Variants in TRDMT1 observed in about 807,000 individuals in gnomAD.
TRDMT1 encodes tRNA (cytosine(38)-C(5))-methyltransferase.
Under a neutral mutation model 51.2 loss-of-function variants are expected in TRDMT1, and 49 were observed. The ratio of observed to expected loss-of-function variants is 0.96; its 90% CI spans 0.76 to 1.21. The LOEUF is 1.21. Ranked by LOEUF, TRDMT1 falls within the 50% of genes most tolerant of loss-of-function variation. TRDMT1 has a pLI of 0.00. For missense variants in TRDMT1, 534 were observed against 462.3 expected (o/e 1.16, Z -1.42); for synonymous variants, 187 against 164.6 (o/e 1.14, Z -1.04).
chr10:17,168,187 C>A (rs996154065), intron 3 of TRDMT1, among the ~76,000 whole-genome samples: 1 of 152,062 alleles, frequency 6.6e-6, no homozygotes, highest in African/African-American at 2.4e-5. Flanking sequence ...CCTTTAGTCC[C>A]AGCTACTCAG....
In TRDMT1 at chr10:17,146,184, A is replaced by G; in HGVS notation, c.*2856T>C. On this transcript the variant is annotated 3_prime_UTR_variant, in exon 11 of 11. Coordinates refer to ENST00000377799, the MANE Select transcript of TRDMT1 (RefSeq NM_004412.7). ...AACAGTTTACCCTCAAATTTCTAAA[A>G]AAGTGCTGGGTGGACCCTCACTGTT... 1.0e-6 allele frequency: 1 copy of G among 985,452 alleles called. No homozygotes were observed. The highest frequency in any genetic ancestry group is 1.2e-6 in the Non-Finnish European group (1 of 829,930). 61.0% of individuals were successfully genotyped at this position (985,452 alleles called of 1,614,324 possible).
intron 1 of TRDMT1, among the ~76,000 whole-genome samples, chr10:17,199,134 T>C (rs1014478711): frequency 1.3e-5 from 2 of 152,206 alleles, no homozygotes; most frequent in Non-Finnish European, 2.9e-5. Context: ...AAAGGAGCAA[T>C]GCATTTTATT....
chr10:17,182,739 A>G (rs1843425237), intron 1 of TRDMT1, among the ~76,000 whole-genome samples: 1 of 152,208 alleles, frequency 6.6e-6, no homozygotes, highest in Non-Finnish European at 1.5e-5. Flanking sequence ...ATGTCTTTTA[A>G]GGAGCACAGA....
Position 17,151,866 on chromosome 10 carries a change from T to C in TRDMT1, c.1075+1641A>G, listed in dbSNP as rs181426886. ...CAATAACTCTATGAAGCAGGAGTTA[T>C]GATCATCCTCATTTTACAGAGAAGT... is the stretch of plus-strand genomic sequence containing the variant. On this transcript the variant is annotated intron_variant, in intron 10 of 10. Coordinates refer to ENST00000377799, the MANE Select transcript of TRDMT1 (RefSeq NM_004412.7). 5.1e-5 allele frequency: 53 copies of C among 1,038,026 alleles called. No individual in the cohort carries two copies. The Admixed American group carries it at 1.6e-3, about 31-fold the overall frequency. The allele number at this position is 1,038,026 out of a possible 1,614,324, so 64.3% of individuals were successfully genotyped here.
At chr10:17,166,342 G>GT (rs1278150906) in intron 3 of TRDMT1, among the ~76,000 whole-genome samples, 13 of 144,210 alleles carry the variant, frequency 9.0e-5, no homozygotes, top group African/African-American at 3.1e-4. Flanking sequence ...GACACAGGAC[G>GT]GGGAACATCA....
Position 17,194,625 on chromosome 10 carries a change from T to C in TRDMT1, c.64+6946A>G, listed in dbSNP as rs1845130331. Among the ~76,000 whole-genome samples the C allele has an allele frequency of 3.9e-5, 6 of 152,090 alleles. No individual in the cohort carries two copies. The South Asian group carries it at 1.0e-3, about 26-fold the overall frequency. On this transcript the variant is annotated intron_variant, in intron 1 of 10. Coordinates refer to ENST00000377799, the MANE Select transcript of TRDMT1 (RefSeq NM_004412.7). ...GGACAGCATCTCAAACCAGTCACAA[T>C]GGCTACGATTAAAAAGTCAATAAAA...
Position 17,146,116 on chromosome 10 carries a change from AC to A in TRDMT1, c.*2923del. 1.0e-6 allele frequency: 1 copy of A among 985,432 alleles called. No individual in the cohort carries two copies. Among genetic ancestry groups the A allele is most frequent in the Non-Finnish European group, 1.2e-6 (1 of 829,944 alleles). The allele number at this position is 985,432 out of a possible 1,614,324, so 61.0% of individuals were successfully genotyped here. Reference sequence around the variant, plus strand: ...TTCAGGGCAACTTAAAAGCCTCTCTACTAAATAACTTTACCTCTTTGAAAAG... The same window carrying A: ...TTCAGGGCAACTTAAAAGCCTCTCTATAAATAACTTTACCTCTTTGAAAAG... On this transcript the variant is annotated 3_prime_UTR_variant, in exon 11 of 11. Coordinates refer to ENST00000377799, the MANE Select transcript of TRDMT1 (RefSeq NM_004412.7).
chr10:17,151,441 C>A, intron 10 of TRDMT1: 3 of 956,864 alleles, frequency 3.1e-6, no homozygotes, highest in Non-Finnish European at 3.7e-6. Context: ...AGGATCAATG[C>A]AGATCCATCA....
In TRDMT1 at chr10:17,147,091, GT is replaced by G. The variant is rs1362214851; in HGVS notation, c.*1948del. 17 of 985,604 alleles carry G rather than the reference GT, an allele frequency of 1.7e-5. No homozygotes were observed. The highest frequency in any genetic ancestry group is 2.0e-5 in the Non-Finnish European group (17 of 829,918). The allele number at this position is 985,604 out of a possible 1,614,324, so 61.1% of individuals were successfully genotyped here. On this transcript the variant is annotated 3_prime_UTR_variant, in exon 11 of 11. Transcript: ENST00000377799. Reference sequence around the variant, plus strand: ...TAACTCGACACTTATTTTGTATAATGTTGCTCAACCGAATGTGGGATACTAT... The same window carrying G: ...TAACTCGACACTTATTTTGTATAATGTGCTCAACCGAATGTGGGATACTAT...
At chr10:17,192,056 GC>G (rs1844758711) in intron 1 of TRDMT1, among the ~76,000 whole-genome samples, 1 of 152,192 alleles carries the variant, frequency 6.6e-6, no homozygotes, top group Admixed American at 6.5e-5. Context: ...GGCAGGTGGG[GC>G]CAAGCAAATC....
chr10:17,186,803 T>G (rs1286600347), intron 1 of TRDMT1, among the ~76,000 whole-genome samples: 1 of 152,188 alleles, frequency 6.6e-6, no homozygotes, highest in Non-Finnish European at 1.5e-5. Context: ...GATGATTAAT[T>G]CGAACAAATA....
chr10:17,178,288 A>G (rs1331821003), intron 1 of TRDMT1, among the ~76,000 whole-genome samples: 1 of 152,218 alleles, frequency 6.6e-6, no homozygotes, highest in Non-Finnish European at 1.5e-5. Flanking sequence ...TAAAAGTACT[A>G]AAGAACGTAC....
At position 17,146,125 on chromosome 10, in the gene TRDMT1, CTT is replaced by C. The variant is rs920196398; in HGVS notation, c.*2913_*2914del. The C allele has an allele frequency of 1.0e-6, 1 of 985,340 alleles. No homozygotes were observed. Among genetic ancestry groups the C allele is most frequent in the African/African-American group, 1.7e-5 (1 of 57,240 alleles). 61.0% of individuals were successfully genotyped at this position (985,340 alleles called of 1,614,324 possible). A position where few individuals can be genotyped will look rare whatever the true frequency, so the allele number is the denominator to read the frequency against. On this transcript the variant is annotated 3_prime_UTR_variant, in exon 11 of 11. Coordinates refer to ENST00000377799, the MANE Select transcript of TRDMT1 (RefSeq NM_004412.7). ...ACTTAAAAGCCTCTCTACTAAATAACTTTACCTCTTTGAAAAGTTGGATAATT... is the reference window on the plus strand; with the variant it reads ...ACTTAAAAGCCTCTCTACTAAATAACTACCTCTTTGAAAAGTTGGATAATT...
At chr10:17,179,711 T>G (rs534880161) in intron 1 of TRDMT1, among the ~76,000 whole-genome samples, 2 of 144,190 alleles carry the variant, frequency 1.4e-5, no homozygotes, top group African/African-American at 5.2e-5. Flanking sequence ...TAAGAAGAGA[T>G]CTTCACAAAT....
chr10:17,158,549 T>C (rs1839875927), intron 7 of TRDMT1, among the ~76,000 whole-genome samples: 2 of 152,116 alleles, frequency 1.3e-5, no homozygotes, highest in African/African-American at 2.4e-5. Context: ...CTATGAAAGT[T>C]AGGGAGAGTT....
In TRDMT1 at chr10:17,148,668, TTTAA is replaced by T. The variant is rs111372071; in HGVS notation, c.*368_*371del. ...TTTAAAATTAGAAATAAAAAACTTC[TTTAA>T]TTAACATAAAAATATGTTATGCCTG... On this transcript the variant is annotated 3_prime_UTR_variant, in exon 11 of 11. Coordinates refer to ENST00000377799, the MANE Select transcript of TRDMT1 (RefSeq NM_004412.7). 142,784 of 972,230 alleles carry T rather than the reference TTTAA, an allele frequency of 0.15. 10,706 individuals are homozygous for T. Among genetic ancestry groups the T allele is most frequent in the Admixed American group, 0.17 (2,787 of 16,270 alleles). The allele number at this position is 972,230 out of a possible 1,614,324, so 60.2% of individuals were successfully genotyped here. A position where few individuals can be genotyped will look rare whatever the true frequency, so the allele number is the denominator to read the frequency against.
chr10:17,158,430 C>T (rs1240754482), intron 7 of TRDMT1, among the ~76,000 whole-genome samples: 1 of 152,056 alleles, frequency 6.6e-6, no homozygotes, highest in Non-Finnish European at 1.5e-5. Context: ...ATTAACTTTA[C>T]ATTGGAATTG....
intron 1 of TRDMT1, among the ~76,000 whole-genome samples, chr10:17,197,949 G>A (rs11254456): frequency 0.42 from 63,365 of 151,734 alleles, 15,250 homozygotes; most frequent in South Asian, 0.57. Flanking sequence ...CAGGAAGATC[G>A]CTTGAACCCG....
At chr10:17,173,130 CA>C (rs1842237453) in intron 2 of TRDMT1, among the ~76,000 whole-genome samples, 1 of 151,886 alleles carries the variant, frequency 6.6e-6, no homozygotes, top group African/African-American at 2.4e-5. Flanking sequence ...ATGGTAAAAA[CA>C]CTTCAAAAAC....
Sources: gnomAD v4.1 joint callset for allele counts (sites outside exome capture counted in the v4.1 genomes callset) on GRCh38, gnomAD v4.1.1 for gene constraint, MANE v1.5 for transcripts, NCBI Gene and HGNC (gene_info 2026-07-23, HGNC 2026-07-21) for gene names.